The following ERBB4 variants were observed in gnomAD, a reference collection of about 807,000 sequenced individuals.
ERBB4 encodes the protein erb-b2 receptor tyrosine kinase 4, also known as receptor tyrosine-protein kinase erbB-4.
ERBB4 carries 42 observed loss-of-function variants against 158.0 expected under a neutral mutation model. The observed-to-expected ratio is 0.27, with a 90% CI of 0.21 to 0.34. The LOEUF is 0.34. Ranked by LOEUF, ERBB4 falls within the 10% of genes least tolerant of loss-of-function variation. ERBB4 has a pLI of 1.00. For missense variants in ERBB4, 1,333 were observed against 1,624.1 expected, an observed-to-expected ratio of 0.82 and a Z score of 3.08; for synonymous variants, 583 against 558.7, an observed-to-expected ratio of 1.04 and a Z score of -0.61.
chr2:211,767,883 C>T (rs900653667), intron 4 of ERBB4, among the ~76,000 whole-genome samples: 15 of 152,174 alleles, frequency 9.9e-5, no homozygotes, highest in African/African-American at 3.1e-4. Flanking sequence ...CATGACCTCA[C>T]ATTTCAAAAT....
At chr2:211,523,660 G>A (rs989236915) in intron 20 of ERBB4, among the ~76,000 whole-genome samples, 11 of 151,732 alleles carry the variant, frequency 7.2e-5, no homozygotes, top group African/African-American at 1.7e-4. Context: ...TGGTCCCGCC[G>A]GCTTCAGGAG....
chr2:212,243,496 C>G (rs11682936), intron 1 of ERBB4, among the ~76,000 whole-genome samples: 111,284 of 152,116 alleles, frequency 0.73, 40,974 homozygotes, highest in East Asian at 0.77. Context: ...ATTAATCTTA[C>G]TGCAGCATCA....
At chr2:212,483,462 A>G (rs1227419184) in intron 1 of ERBB4, among the ~76,000 whole-genome samples, 1 of 152,224 alleles carries the variant, frequency 6.6e-6, no homozygotes, top group Non-Finnish European at 1.5e-5. Flanking sequence ...TAAAAACCTC[A>G]TAAGTGCTAA....
At chr2:212,463,129 G>T (rs1382099517) in intron 1 of ERBB4, among the ~76,000 whole-genome samples, 1 of 152,078 alleles carries the variant, frequency 6.6e-6, no homozygotes, top group Non-Finnish European at 1.5e-5. Context: ...TATGGGTAGA[G>T]GTTGGTTAAG....
intron 19 of ERBB4, among the ~76,000 whole-genome samples, chr2:211,605,584 A>G (rs535837468): frequency 6.6e-6 from 1 of 152,246 alleles, no homozygotes; most frequent in South Asian, 2.1e-4. Flanking sequence ...AAAGTGTGTC[A>G]TCCTGAAGGT....
chr2:212,186,951 T>A (rs759568595), intron 1 of ERBB4, among the ~76,000 whole-genome samples: 1 of 152,158 alleles, frequency 6.6e-6, no homozygotes, highest in Non-Finnish European at 1.5e-5. Context: ...TAAATTTGCC[T>A]ACTTTTTGAA....
chr2:211,459,198 T>C lies in ERBB4; in HGVS notation c.2488-28098A>G, dbSNP rs184651401. 5.1e-3 allele frequency among the ~76,000 whole-genome samples: 770 copies of C among 152,298 alleles called. 21 individuals carry two copies. The highest frequency in any genetic ancestry group is 0.044 in the Admixed American group (673 of 15,294). On this transcript the variant is annotated intron_variant, in intron 20 of 27. Coordinates refer to ENST00000342788, the MANE Select transcript of ERBB4 (RefSeq NM_005235.3). Reference sequence around the variant, plus strand: ...AGCATATGTCAGTGTTCAGAAAATGTTGAAATGAGATTATTTATGTAATTT... The same window carrying C: ...AGCATATGTCAGTGTTCAGAAAATGCTGAAATGAGATTATTTATGTAATTT...
chr2:212,404,925 A>C (rs1460416828), intron 1 of ERBB4, among the ~76,000 whole-genome samples: 1 of 152,052 alleles, frequency 6.6e-6, no homozygotes, highest in Non-Finnish European at 1.5e-5. Flanking sequence ...TTCCTACATT[A>C]GTTTGCTAAG....
intron 17 of ERBB4, among the ~76,000 whole-genome samples, chr2:211,624,841 A>G (rs2069775139): frequency 6.6e-6 from 1 of 152,142 alleles, no homozygotes; most frequent in Non-Finnish European, 1.5e-5. Context: ...TGGGCACAGC[A>G]AGAGGGAGGA....
chr2:211,443,054 C>G (rs1169216521), intron 20 of ERBB4, among the ~76,000 whole-genome samples: 1 of 151,896 alleles, frequency 6.6e-6, no homozygotes, highest in Non-Finnish European at 1.5e-5. Context: ...TTGATTTCCT[C>G]CTCTCCCTAC....
intron 25 of ERBB4, among the ~76,000 whole-genome samples, chr2:211,415,482 G>A (rs541427659): frequency 6.6e-6 from 1 of 152,060 alleles, no homozygotes; most frequent in Admixed American, 6.5e-5. Context: ...AACTTCTACT[G>A]GTTTATGCAT....
At chr2:211,863,119 C>T (rs1299075709) in intron 3 of ERBB4, among the ~76,000 whole-genome samples, 1 of 148,654 alleles carries the variant, frequency 6.7e-6, no homozygotes, top group South Asian at 2.1e-4. Flanking sequence ...AATCAGCACT[C>T]TGTAAAAACA....
intron 9 of ERBB4, among the ~76,000 whole-genome samples, chr2:211,706,854 A>T (rs1032101857): frequency 6.6e-6 from 1 of 152,212 alleles, no homozygotes; most frequent in African/African-American, 2.4e-5. Context: ...ATGTTCTAGC[A>T]ACTTTCTCTA....
At chr2:211,840,885 T>C (rs1323359224) in intron 3 of ERBB4, among the ~76,000 whole-genome samples, 1 of 152,130 alleles carries the variant, frequency 6.6e-6, no homozygotes, top group Non-Finnish European at 1.5e-5. Flanking sequence ...CAATTTAAAC[T>C]TTGGAGATCA....
chr2:211,576,310 C>T (rs1201541119), intron 19 of ERBB4, among the ~76,000 whole-genome samples: 1 of 152,100 alleles, frequency 6.6e-6, no homozygotes, highest in Non-Finnish European at 1.5e-5. Context: ...AAAGGAGTAC[C>T]TCATAAAGAA....
At chr2:211,483,052 A>G (rs1255127429) in intron 20 of ERBB4, among the ~76,000 whole-genome samples, 2 of 152,144 alleles carry the variant, frequency 1.3e-5, no homozygotes, top group Admixed American at 1.3e-4. Context: ...AAGTTATAAA[A>G]AAAGAATGAA....
intron 1 of ERBB4, among the ~76,000 whole-genome samples, chr2:212,299,392 T>G (rs1218130703): frequency 4.6e-5 from 7 of 151,638 alleles, no homozygotes; most frequent in Admixed American, 4.6e-4. Context: ...TATGGGAAGG[T>G]TTAAGTTGTT....
At chr2:211,487,373 A>T (rs72933599) in intron 20 of ERBB4, among the ~76,000 whole-genome samples, 3,123 of 97,724 alleles carry the variant, frequency 0.032, 107 homozygotes, top group African/African-American at 0.12. Flanking sequence ...AATAAATAAA[A>T]AAATAAATAA....
intron 25 of ERBB4, among the ~76,000 whole-genome samples, chr2:211,410,272 C>T (rs980338938): frequency 5.9e-5 from 9 of 152,154 alleles, no homozygotes; most frequent in African/African-American, 1.9e-4. Flanking sequence ...CCTCTTTTCC[C>T]GAATTGGAGG....
Sources: allele counts gnomAD v4.1 joint callset (sites outside exome capture counted in the v4.1 genomes callset), GRCh38; gene constraint gnomAD v4.1.1; transcripts MANE v1.5; gene names NCBI Gene and HGNC (gene_info 2026-07-23, HGNC 2026-07-21).